The following B3GAT2 variants were observed in gnomAD, a reference collection of about 807,000 sequenced individuals.
B3GAT2 encodes galactosylgalactosylxylosylprotein 3-beta-glucuronosyltransferase 2.
A neutral mutation model predicts 27.8 loss-of-function variants in B3GAT2; 26 were observed. The observed-to-expected ratio is 0.93, with a 90% CI of 0.68 to 1.30. B3GAT2 has a LOEUF of 1.30. Among genes scored for constraint, B3GAT2 ranks in the 50% most tolerant of loss-of-function variants. The pLI is 0.00. For missense variants in B3GAT2, 458 were observed against 459.0 expected (o/e 1.00, Z 0.02); for synonymous variants, 218 against 195.1 (o/e 1.12, Z -0.98).
At chr6:70,937,198 C>A (rs1288583719) in intron 1 of B3GAT2, among the ~76,000 whole-genome samples, 1 of 152,044 alleles carries the variant, frequency 6.6e-6, no homozygotes, top group Non-Finnish European at 1.5e-5. Context: ...CAAGACTAAA[C>A]CAGGAAGAAG....
At chr6:70,883,034 G>T (rs1373819138) in intron 2 of B3GAT2, among the ~76,000 whole-genome samples, 1 of 152,150 alleles carries the variant, frequency 6.6e-6, no homozygotes, top group Non-Finnish European at 1.5e-5. Flanking sequence ...TCCCCATTAG[G>T]TGGCTATTAT....
chr6:70,928,436 A>T (rs891719510), intron 1 of B3GAT2, among the ~76,000 whole-genome samples: 3 of 152,114 alleles, frequency 2.0e-5, no homozygotes, highest in African/African-American at 7.2e-5. Flanking sequence ...TTGATAGACC[A>T]CTAGCAGACT....
chr6:70,927,029 C>G (rs1772973731), intron 1 of B3GAT2, among the ~76,000 whole-genome samples: 2 of 152,152 alleles, frequency 1.3e-5, no homozygotes, highest in African/African-American at 4.8e-5. Context: ...ATTCAACATG[C>G]TTAAAGAAAA....
chr6:70,919,351 TCCTTTA>T (rs1424358233), intron 1 of B3GAT2, among the ~76,000 whole-genome samples: 1 of 152,224 alleles, frequency 6.6e-6, no homozygotes, highest in Admixed American at 6.5e-5. Flanking sequence ...TAGAACATGC[TCCTTTA>T]GCTTGGAGAA....
At chr6:70,940,028 T>A (rs964595377) in intron 1 of B3GAT2, among the ~76,000 whole-genome samples, 1 of 152,140 alleles carries the variant, frequency 6.6e-6, no homozygotes, top group Non-Finnish European at 1.5e-5. Context: ...TCCCTGGGTC[T>A]GGCCACAATT....
rs369742473 is a variant in B3GAT2 at position 70,861,637 on chromosome 6, C to T, written c.*26G>A. The T allele has an allele frequency of 4.4e-6, 7 of 1,603,148 alleles. No individual in the cohort carries two copies. Among genetic ancestry groups the T allele is most frequent in the Admixed American group, 1.7e-5 (1 of 59,858 alleles). On this transcript the variant is annotated 3_prime_UTR_variant, in exon 4 of 4. Transcript: ENST00000230053. ...CTTCCATATGGATCCACTGGCTGGA[C>T]AAACTGCACCAGTTGCTGCTTCAAT... is the stretch of plus-strand genomic sequence containing the variant.
At chr6:70,927,601 G>A (rs191847137) in intron 1 of B3GAT2, among the ~76,000 whole-genome samples, 81 of 152,246 alleles carry the variant, frequency 5.3e-4, no homozygotes, top group African/African-American at 1.9e-3. Context: ...TAATGGTAAA[G>A]GGATCAATTC....
Position 70,954,915 on chromosome 6 carries a change from C to CGCG in B3GAT2, c.591+923_591+924insCGC, listed in dbSNP as rs538142193. Among the ~76,000 whole-genome samples the CGCG allele has an allele frequency of 7.0e-5, 8 of 114,974 alleles. 1 individual carries two copies. Among genetic ancestry groups the CGCG allele is most frequent in the South Asian group, 2.9e-4 (1 of 3,394 alleles). The allele number at this position is 114,974 out of a possible 152,430, so 75.4% of individuals were successfully genotyped here. A position where few individuals can be genotyped will look rare whatever the true frequency, so the allele number is the denominator to read the frequency against. On this transcript the variant is annotated intron_variant, in intron 1 of 3. Coordinates refer to ENST00000230053, the MANE Select transcript of B3GAT2 (RefSeq NM_080742.3). ...CTAACCCTGTGCCTGCCGGGGGCGG[C>CGCG]GGGGGGGGGCGGTGCGCGCGTGGCC...
intron 2 of B3GAT2, among the ~76,000 whole-genome samples, chr6:70,863,996 C>T (rs1771809081): frequency 6.6e-6 from 1 of 150,966 alleles, no homozygotes. Context: ...TCCAACAGGT[C>T]AGATCAGATT....
chr6:70,942,309 A>G (rs1582396895), intron 1 of B3GAT2, among the ~76,000 whole-genome samples: 1 of 152,168 alleles, frequency 6.6e-6, no homozygotes, highest in Non-Finnish European at 1.5e-5. Context: ...TGAGAACAGC[A>G]CTTTGACATG....
Position 70,956,908 on chromosome 6 carries a change from C to T in B3GAT2, c.-479G>A. The T allele has an allele frequency of 3.9e-6, 4 of 1,020,732 alleles. No homozygotes were observed. The highest frequency in any genetic ancestry group is 4.7e-6 in the Non-Finnish European group (4 of 853,178). 63.2% of individuals were successfully genotyped at this position (1,020,732 alleles called of 1,614,324 possible). On this transcript the variant is annotated 5_prime_UTR_variant, in exon 1 of 4. Coordinates refer to ENST00000230053, the MANE Select transcript of B3GAT2 (RefSeq NM_080742.3). ...ACGCCTTCGAGGGCGGGCGGCGGCG[C>T]TGGGGGCTTTCCTTCCTCACATTCC...
At position 70,934,739 on chromosome 6, in the gene B3GAT2, C is replaced by T. The variant is rs928006112; in HGVS notation, c.591+21100G>A. ...GATTCCCACCTTAATTACTTCTTTA[C>T]GTAAAAAAAAGTTGACCTAATAGGA... On this transcript the variant is annotated intron_variant, in intron 1 of 3. Coordinates refer to ENST00000230053, the MANE Select transcript of B3GAT2 (RefSeq NM_080742.3). Among the ~76,000 whole-genome samples, 5 of 152,000 alleles carry T rather than the reference C, an allele frequency of 3.3e-5. No individual in the cohort carries two copies. The South Asian group carries it at 6.2e-4, about 19-fold the overall frequency.
At chr6:70,898,216 G>A (rs963999862) in intron 1 of B3GAT2, among the ~76,000 whole-genome samples, 1 of 151,998 alleles carries the variant, frequency 6.6e-6, no homozygotes, top group Non-Finnish European at 1.5e-5. Context: ...GAGTTTTCTA[G>A]CCCATAAACA....
intron 2 of B3GAT2, among the ~76,000 whole-genome samples, chr6:70,883,211 C>A (rs1392865882): frequency 6.6e-6 from 1 of 152,200 alleles, no homozygotes; most frequent in Non-Finnish European, 1.5e-5. Context: ...TGTGATCCAA[C>A]AGTTCTACTT....
intron 2 of B3GAT2, among the ~76,000 whole-genome samples, chr6:70,880,127 G>A (rs1399769261): frequency 6.6e-6 from 1 of 151,982 alleles, no homozygotes; most frequent in African/African-American, 2.4e-5. Flanking sequence ...AGAGGAGGTA[G>A]AGAGAGAGAC....
intron 1 of B3GAT2, among the ~76,000 whole-genome samples, chr6:70,948,582 G>T (rs1272032018): frequency 6.9e-6 from 1 of 144,864 alleles, no homozygotes; most frequent in African/African-American, 2.6e-5. Flanking sequence ...AAATAAAAGA[G>T]GATACAAACA....
At chr6:70,910,999 C>T (rs1772680985) in intron 1 of B3GAT2, among the ~76,000 whole-genome samples, 1 of 152,088 alleles carries the variant, frequency 6.6e-6, no homozygotes, top group Admixed American at 6.5e-5. Flanking sequence ...TGTTCATTTA[C>T]TTTAGCTACT....
At chr6:70,876,497 TTC>T (rs1322787348) in intron 2 of B3GAT2, among the ~76,000 whole-genome samples, 1 of 152,214 alleles carries the variant, frequency 6.6e-6, no homozygotes, top group East Asian at 1.9e-4. Context: ...ACTTTCACTG[TTC>T]TGTGCCTTGG....
At chr6:70,865,630 T>C (rs968737255) in intron 2 of B3GAT2, among the ~76,000 whole-genome samples, 1 of 152,158 alleles carries the variant, frequency 6.6e-6, no homozygotes, top group African/African-American at 2.4e-5. Flanking sequence ...GGAATAACTA[T>C]TCCCTCTCAG....
Sources: gnomAD v4.1 joint callset for allele counts (sites outside exome capture counted in the v4.1 genomes callset) on GRCh38, gnomAD v4.1.1 for gene constraint, MANE v1.5 for transcripts, NCBI Gene and HGNC (gene_info 2026-07-23, HGNC 2026-07-21) for gene names.